SOS1: variants seen among roughly 807,000 people sequenced by gnomAD.
The protein encoded by SOS1 is SOS Ras/Rac guanine nucleotide exchange factor 1.
SOS1 carries 25 observed loss-of-function variants against 157.6 expected under a neutral mutation model. The ratio of observed to expected loss-of-function variants is 0.16; its 90% CI spans 0.12 to 0.22. The LOEUF (loss-of-function observed/expected upper bound fraction) is 0.22. Among genes scored for constraint, SOS1 ranks in the 10% least tolerant of loss-of-function variants. The probability of loss-of-function intolerance (pLI) is 1.00; values close to 1 mark genes in which losing one functional copy is unlikely to be tolerated. For synonymous variants in SOS1, 528 were observed against 534.0 expected (o/e 0.99, Z 0.16); for missense variants, 1,237 against 1,599.1 (o/e 0.77, Z 3.86).
chr2:39,108,160 T>G (rs1187059819), intron 1 of SOS1, among the ~76,000 whole-genome samples: 1 of 152,076 alleles, frequency 6.6e-6, no homozygotes, highest in African/African-American at 2.4e-5. Flanking sequence ...CCTCTAAATC[T>G]CTCTAATTAA....
At chr2:39,100,773 G>T (rs977461775) in intron 1 of SOS1, among the ~76,000 whole-genome samples, 4 of 152,100 alleles carry the variant, frequency 2.6e-5, no homozygotes, top group African/African-American at 9.7e-5. Flanking sequence ...AAGAAAAATA[G>T]CTGGGTGTGG....
At chr2:39,002,155 G>A (rs1572811342) in intron 17 of SOS1, among the ~76,000 whole-genome samples, 1 of 152,116 alleles carries the variant, frequency 6.6e-6, no homozygotes, top group East Asian at 1.9e-4. Context: ...GTGAAACCTT[G>A]TCTCTAGTAA....
intron 22 of SOS1, 59 bp from the exon 23 acceptor site, chr2:38,986,374 TA>T: frequency 3.4e-6 from 5 of 1,461,186 alleles, no homozygotes; most frequent in Non-Finnish European, 4.7e-6. Flanking sequence ...GTATCATGAC[TA>T]TAAGAATTAA....
intron 6 of SOS1, among the ~76,000 whole-genome samples, chr2:39,036,298 A>G (rs1166646822): frequency 6.6e-6 from 1 of 152,210 alleles, no homozygotes; most frequent in Non-Finnish European, 1.5e-5. Flanking sequence ...GAAGGGAATG[A>G]AACAACGAAA....
At chr2:39,037,656 G>A (rs1051059490) in intron 6 of SOS1, among the ~76,000 whole-genome samples, 2 of 150,666 alleles carry the variant, frequency 1.3e-5, no homozygotes, top group Admixed American at 6.6e-5. Flanking sequence ...TGGCAACCCT[G>A]TGTGAAGCAA....
intron 1 of SOS1, among the ~76,000 whole-genome samples, chr2:39,082,147 C>T (rs1672224095): frequency 6.6e-6 from 1 of 152,158 alleles, no homozygotes; most frequent in Admixed American, 6.5e-5. Context: ...AGGTCTTATT[C>T]ATTCTAATTA....
chr2:39,004,189 G>A (rs1296269600), intron 17 of SOS1, among the ~76,000 whole-genome samples: 1 of 152,136 alleles, frequency 6.6e-6, no homozygotes, highest in African/African-American at 2.4e-5. Context: ...GCCAAGGTGG[G>A]CGGATCATGA....
intron 6 of SOS1, among the ~76,000 whole-genome samples, chr2:39,047,931 G>A (rs769803929): frequency 1.3e-5 from 2 of 152,186 alleles, no homozygotes; most frequent in Non-Finnish European, 2.9e-5. Context: ...GTCTCCCAAA[G>A]TGCTGGGATT....
At chr2:39,045,273 A>AGTGAGTGTGT (rs1670735981) in intron 6 of SOS1, among the ~76,000 whole-genome samples, 4 of 108,090 alleles carry the variant, frequency 3.7e-5, no homozygotes, top group African/African-American at 1.0e-4. Context: ...AGAGAGAGAG[A>AGTGAGTGTGT]GTGTGTGTGT....
chr2:39,068,588 C>T (rs765699919), intron 1 of SOS1, among the ~76,000 whole-genome samples: 4 of 152,108 alleles, frequency 2.6e-5, no homozygotes, highest in Admixed American at 1.3e-4. Context: ...TTTGTGAACA[C>T]AAAGTCACCC....
chr2:39,078,744 C>T (rs1672102535), intron 1 of SOS1, among the ~76,000 whole-genome samples: 1 of 152,034 alleles, frequency 6.6e-6, no homozygotes, highest in African/African-American at 2.4e-5. Context: ...TTGTCTTCCA[C>T]AAAACCAGTC....
rs192874212 is a variant in SOS1 at position 39,030,032 on chromosome 2, C to T, written c.1074+5180G>A. On this transcript the variant is annotated intron_variant, in intron 8 of 22. Coordinates refer to ENST00000402219, the MANE Select transcript of SOS1 (RefSeq NM_005633.4). Reference sequence around the variant, plus strand: ...TAAAAATTTTAAAAAATTAGCCAGGCGTGGTGGCATGTGCCTACGGTCCTA... The same window carrying T: ...TAAAAATTTTAAAAAATTAGCCAGGTGTGGTGGCATGTGCCTACGGTCCTA... 3.5e-3 allele frequency among the ~76,000 whole-genome samples: 525 copies of T among 151,688 alleles called. 1 individual carries two copies. Among genetic ancestry groups the T allele is most frequent in the Middle Eastern group, 0.014 (4 of 294 alleles).
chr2:39,022,408 T>TA (rs1669826440), intron 10 of SOS1, 162 bp downstream of exon 10: 2 of 646,976 alleles, frequency 3.1e-6, no homozygotes, highest in African/African-American at 3.7e-5. Flanking sequence ...GTAGAAAAAG[T>TA]AAAACATTCC....
intron 6 of SOS1, among the ~76,000 whole-genome samples, chr2:39,049,373 A>G (rs1670918639): frequency 6.6e-6 from 1 of 152,206 alleles, no homozygotes; most frequent in African/African-American, 2.4e-5. Flanking sequence ...CAATGCTTGT[A>G]TATTTAATTC....
intron 1 of SOS1, among the ~76,000 whole-genome samples, chr2:39,089,610 C>T (rs1230229585): frequency 6.6e-6 from 1 of 150,674 alleles, no homozygotes; most frequent in Non-Finnish European, 1.5e-5. Flanking sequence ...ACAATTTACA[C>T]AACAAAATAA....
intron 1 of SOS1, among the ~76,000 whole-genome samples, chr2:39,068,416 C>T (rs983967390): frequency 6.6e-6 from 1 of 152,140 alleles, no homozygotes; most frequent in Admixed American, 6.5e-5. Context: ...TCTGCTTGGG[C>T]AAAACTGACC....
chr2:39,066,905 A>G (rs1238928244), intron 2 of SOS1, among the ~76,000 whole-genome samples: 5 of 152,344 alleles, frequency 3.3e-5, no homozygotes, highest in Non-Finnish European at 5.9e-5. Context: ...ATATCATTCT[A>G]TCATCAAGAA....
chr2:39,099,753 T>C (rs1672897003), intron 1 of SOS1, among the ~76,000 whole-genome samples: 2 of 152,180 alleles, frequency 1.3e-5, no homozygotes. Flanking sequence ...TTTTTTATTG[T>C]TTTGGAGACA....
At position 38,984,722 on chromosome 2, in the gene SOS1, C is replaced by T. The variant is rs1668503676; in HGVS notation, c.*1102G>A. The T allele has an allele frequency of 6.6e-6, 1 of 152,100 alleles. No individual in the cohort carries two copies. Among genetic ancestry groups the T allele is most frequent in the African/African-American group, 2.4e-5 (1 of 41,418 alleles). 9.4% of individuals were successfully genotyped at this position (152,100 alleles called of 1,614,324 possible). ...TCTTCATATAATAATTTAATATATG[C>T]CAGCCAAACAAAGTATTTGTATCTT... On this transcript the variant is annotated 3_prime_UTR_variant, in exon 23 of 23. Transcript: ENST00000402219.
Sources: gnomAD v4.1 joint callset for allele counts (sites outside exome capture counted in the v4.1 genomes callset) on GRCh38, gnomAD v4.1.1 for gene constraint, MANE v1.5 for transcripts, NCBI Gene and HGNC (gene_info 2026-07-23, HGNC 2026-07-21) for gene names.